The following WDR87 variants were observed in gnomAD, a reference collection of about 807,000 sequenced individuals.
WDR87 encodes WD repeat-containing protein 87.
Under a neutral mutation model 83.3 loss-of-function variants are expected in WDR87, and 56 were observed. The observed-to-expected ratio is 0.67, with a 90% confidence interval of 0.54 to 0.84. WDR87 has a LOEUF of 0.84. Ranked by LOEUF, WDR87 falls within the 40% of genes least tolerant of loss-of-function variation. WDR87 has a pLI of 0.00. For synonymous variants in WDR87, 1,173 were observed against 1,250.6 expected, an observed-to-expected ratio of 0.94 and a Z score of 1.31; for missense variants, 2,939 against 3,431.9, an observed-to-expected ratio of 0.86 and a Z score of 3.59.
chr19:37,888,305 G>C lies in WDR87; in HGVS notation c.5366C>G (p.Ala1789Gly). ...CCAGGCCAATGCCTCCTCTTCCTCA[G>C]CCAGTTTCTTCTTTTCCTCAACCAG... ...GKLVEEKKKL[A>G]EEEEALAWQR... The change falls in exon 6 of 6, where the codon GCT becomes GGT. Residue 1789 changes from alanine (A) to glycine (G), a missense_variant. Physicochemically the swap from Ala to Gly is moderately conservative, Grantham distance 60. Transcript: ENST00000447313. 6.4e-7 allele frequency: 1 copy of C among 1,551,476 alleles called. No homozygotes were observed. Among genetic ancestry groups the C allele is most frequent in the Middle Eastern group, 1.7e-4 (1 of 5,990 alleles).
intron 3 of WDR87, among the ~76,000 whole-genome samples, chr19:37,895,680 T>G (rs1199705888): frequency 1.4e-5 from 2 of 145,178 alleles, no homozygotes; most frequent in Non-Finnish European, 3.0e-5. Flanking sequence ...GGCAGGAGAA[T>G]CGCTTGAATT....
Position 37,893,460 on chromosome 19 carries a change from T to C in WDR87, c.2243A>G (p.His748Arg). ...CCCTTCCTCATCTTCTTCTATCACA[T>C]GTGGCACAGAATGGTCAAAGGCAAT... ...RAIAFDHSVP[H>R]VIEEDEEGSP... The change falls in exon 4 of 6, where the codon CAT becomes CGT. Residue 748 changes from histidine (H) to arginine (R), a missense_variant. Transcript: ENST00000447313. The C allele has an allele frequency of 6.4e-7, 1 of 1,552,044 alleles. No homozygotes were observed. Among genetic ancestry groups the C allele is most frequent in the South Asian group, 1.2e-5 (1 of 84,064 alleles).
intron 2 of WDR87, among the ~76,000 whole-genome samples, chr19:37,897,832 G>A (rs903288901): frequency 1.3e-5 from 2 of 152,116 alleles, no homozygotes; most frequent in Admixed American, 1.3e-4. Flanking sequence ...AGGTTGCAGT[G>A]GGCCGAGATC....
At chr19:37,898,819 GCT>G (rs150637956) in intron 1 of WDR87, among the ~76,000 whole-genome samples, 39,276 of 152,024 alleles carry the variant, frequency 0.26, 6,065 homozygotes, top group Non-Finnish European at 0.36. Context: ...CTTTTCAGCT[GCT>G]CTGGAAACAT....
rs572202544 is a variant in WDR87, at chr19:37,900,214, G to A, written c.-46-1929C>T. 3.3e-5 allele frequency among the ~76,000 whole-genome samples: 5 copies of A among 152,204 alleles called. No homozygotes were observed. The South Asian group carries it at 1.0e-3, about 32-fold the overall frequency. On this transcript the variant is annotated intron_variant, in intron 1 of 5. Coordinates refer to ENST00000447313, the MANE Select transcript of WDR87 (RefSeq NM_001291088.2). Reference sequence around the variant, plus strand: ...TCATCATCTCCATTGTACAAAAGAGGAACATTAACTCAAAGAGGAAAAGGG... The same window carrying A: ...TCATCATCTCCATTGTACAAAAGAGAAACATTAACTCAAAGAGGAAAAGGG...
Position 37,893,231 on chromosome 19 carries a change from G to C in WDR87, c.2472C>G (p.Ile824Met). Residue 824 changes from isoleucine (I) to methionine (M), a missense_variant, in exon 4 of 6, where the codon ATC (isoleucine) becomes ATG (methionine). By Grantham distance (10) the Ile-to-Met change is conservative. Transcript: ENST00000447313. ...GACGGGCACGAATCACTGAATTGGG[G>C]ATATAGCAGTCAGGGGCAAAAAGCC... ...REWLFAPDCY[I>M]PNSVIRARLW... The C allele has an allele frequency of 6.4e-7, 1 of 1,551,894 alleles. No homozygotes were observed. Among genetic ancestry groups the C allele is most frequent in the Non-Finnish European group, 8.7e-7 (1 of 1,147,050 alleles).
rs1160321708 is a variant in WDR87 at position 37,886,946 on chromosome 19, G to T, written c.6725C>A (p.Ala2242Asp). 40 of 1,551,630 alleles carry T rather than the reference G, an allele frequency of 2.6e-5. No homozygotes were observed. Among genetic ancestry groups the T allele is most frequent in the Non-Finnish European group, 3.5e-5 (40 of 1,147,074 alleles). ...LKRRWRKRKE[A>D]KRGDKPKEKF... is the part of the protein sequence containing the mutation. ...TTCTTTTGGTTTGTCACCTCTCTTG[G>T]CCTCTTTCCTCTTTCTCCACCTTCG... The change falls in exon 6 of 6, where the codon GCC becomes GAC. Residue 2242 changes from alanine to aspartate, a missense_variant. This residue lies in a region of WDR87 where 2,160 missense variants were observed against 2,533.1 expected (regional missense o/e 0.85). Coordinates refer to ENST00000447313, the MANE Select transcript of WDR87 (RefSeq NM_001291088.2).
Position 37,885,530 on chromosome 19 carries a change from G to C in WDR87, c.8141C>G (p.Pro2714Arg). 6.4e-7 allele frequency: 1 copy of C among 1,551,670 alleles called. No individual in the cohort carries two copies. The highest frequency in any genetic ancestry group is 8.7e-7 in the Non-Finnish European group (1 of 1,146,996). The part of the protein sequence containing the change: ...YFYPATRDIF[P>R]SAHASVEKQT... ...TTTTTCCACAGAGGCATGGGCACTTGGAAAAATGTCTCTGGTGGCAGGATA... is the reference window on the plus strand; with the variant it reads ...TTTTTCCACAGAGGCATGGGCACTTCGAAAAATGTCTCTGGTGGCAGGATA... The change falls in exon 6 of 6, where the codon CCA becomes CGA. Residue 2714 changes from proline to arginine, a missense_variant. Transcript: ENST00000447313.
chr19:37,885,745 A>G lies in WDR87; in HGVS notation c.7926T>C (p.Pro2642=). 1 of 1,551,708 alleles carries G rather than the reference A, an allele frequency of 6.4e-7. No homozygotes were observed. Among genetic ancestry groups the G allele is most frequent in the Non-Finnish European group, 8.7e-7 (1 of 1,147,000 alleles). ...TCTCCTTTTCCTTTGCTTTTATAGG[A>G]GGAATCACTTTCAGGTATTTTGGAC... ...SMSPKYLKVI[P]PIKAKEKESW... is the part of the protein sequence containing the mutation. Residue 2642 remains proline, a synonymous_variant, in exon 6 of 6, where the codon CCT becomes CCC. Transcript: ENST00000447313.
Position 37,891,701 on chromosome 19 carries a change from C to G in WDR87, c.3245G>C (p.Arg1082Thr), listed in dbSNP as rs1186245889. ...RLNENLTLSHRDEKPAFSLDV... is the reference protein window; with the variant it reads ...RLNENLTLSHTDEKPAFSLDV... ...TAAAGAAAAAGCCGGCTTTTCATCT[C>G]TATGTGACAGGGTCAGGTTTTCATT... The change falls in exon 5 of 6, where the codon AGA (arginine) becomes ACA (threonine). Residue 1082 changes from arginine (R) to threonine (T), a missense_variant. By Grantham distance (71) the Arg-to-Thr change is moderately conservative (BLOSUM62 -1). This residue lies in a region of WDR87 where 2,160 missense variants were observed against 2,533.1 expected (regional missense o/e 0.85). Coordinates refer to ENST00000447313, the MANE Select transcript of WDR87 (RefSeq NM_001291088.2). The G allele has an allele frequency of 3.2e-6, 5 of 1,551,806 alleles. No individual in the cohort carries two copies. Among genetic ancestry groups the G allele is most frequent in the Middle Eastern group, 3.3e-4 (2 of 6,016 alleles).
In WDR87 at chr19:37,887,498, TG is replaced by T. The variant is rs1298905557; in HGVS notation, c.6172del (p.His2058MetfsTer34). ...KLSLEEKILLHEDRILAMEES... is the reference protein window; with the variant it reads ...KLSLEEKILLXEDRILAMEES... ...CTCCATGGCCAATATCCTGTCTTCA[TG>T]TAGCAGTATCTTCTCCTCTAGTGAC... On this transcript the variant is annotated frameshift_variant, in exon 6 of 6. Coordinates refer to ENST00000447313, the MANE Select transcript of WDR87 (RefSeq NM_001291088.2). LOFTEE classifies it low-confidence loss of function (END_TRUNC). 7.7e-6 allele frequency: 12 copies of T among 1,551,950 alleles called. No homozygotes were observed. In the East Asian group the frequency reaches 2.7e-4, roughly 35 times the overall value.
rs567089371 is a variant in WDR87, at chr19:37,892,651, C to T, written c.3052G>A (p.Ala1018Thr). The change falls in exon 4 of 6, where the codon GCT (alanine) becomes ACT (threonine). Residue 1018 changes from alanine (A) to threonine (T), a missense_variant. Around this residue, in one of 3 missense-constraint regions of WDR87, gnomAD observed 2,160 missense variants for 2,533.1 expected, o/e 0.85. Transcript: ENST00000447313. Reference protein sequence around the residue: ...RVRIKTLSLMAEIGIHSRTSL... With the variant: ...RVRIKTLSLMTEIGIHSRTSL... ...GTCCTAGAGTGGATTCCAATCTCAG[C>T]CATGAGGCTTAGGGTCTTGATCCTC... 2.6e-6 allele frequency: 4 copies of T among 1,550,222 alleles called. No homozygotes were observed. In the East Asian group the frequency reaches 9.8e-5, roughly 38 times the overall value.
chr19:37,894,842 G>C lies in WDR87; in HGVS notation c.861C>G (p.Ile287Met). 1.9e-6 allele frequency: 3 copies of C among 1,551,744 alleles called. No homozygotes were observed. The highest frequency in any genetic ancestry group is 2.6e-6 in the Non-Finnish European group (3 of 1,147,008). ...GGGCCTCTGGTCGGCTGCGGATACA[G>C]ATCACTCCTGATTGATGGGCCTGGA... ...HSFQAHQSGV[I>M]CIRSRPEAHT... Residue 287 changes from isoleucine (I) to methionine (M), a missense_variant, in exon 4 of 6, where the codon ATC (isoleucine) becomes ATG (methionine). By Grantham distance (10) the Ile-to-Met change is conservative. Transcript: ENST00000447313.
intron 1 of WDR87, among the ~76,000 whole-genome samples, chr19:37,903,363 A>T (rs1229181857): frequency 6.6e-6 from 1 of 152,180 alleles, no homozygotes; most frequent in Non-Finnish European, 1.5e-5. Context: ...GGTGGAATGC[A>T]TTTAACTTTC....
chr19:37,900,107 C>G (rs2046284236), intron 1 of WDR87, among the ~76,000 whole-genome samples: 1 of 152,170 alleles, frequency 6.6e-6, no homozygotes, highest in African/African-American at 2.4e-5. Flanking sequence ...ATCTCACATG[C>G]ATACAGTGGG....
chr19:37,902,627 T>C (rs751240373), intron 1 of WDR87, among the ~76,000 whole-genome samples: 7 of 152,258 alleles, frequency 4.6e-5, no homozygotes, highest in Non-Finnish European at 8.8e-5. Flanking sequence ...CTGCTGACTG[T>C]GGAGACAAAC....
In WDR87 at chr19:37,885,201, C is replaced by T. The variant is rs1244920725; in HGVS notation, c.8470G>A (p.Glu2824Lys). The change falls in exon 6 of 6, where the codon GAG becomes AAG. Residue 2824 changes from glutamate to lysine, a missense_variant. Transcript: ENST00000447313. ...TTTAGGGCCTCTTCGTAGATGATCT[C>T]TTGGGGTTGAGGTTCCTCTCTCATT... ...LLMREEPQPQ[E>K]IIYEEALKAT... The T allele has an allele frequency of 6.7e-7, 1 of 1,482,072 alleles. No individual in the cohort carries two copies. Among genetic ancestry groups the T allele is most frequent in the Non-Finnish European group, 8.9e-7 (1 of 1,118,524 alleles). The allele number at this position is 1,482,072 out of a possible 1,614,324, so 91.8% of individuals were successfully genotyped here. A position where few individuals can be genotyped will look rare whatever the true frequency, so the allele number is the denominator to read the frequency against.
chr19:37,887,359 GCT>G lies in WDR87; in HGVS notation c.6310_6311del (p.Ser2104ProfsTer22). The G allele has an allele frequency of 6.4e-7, 1 of 1,551,576 alleles. No homozygotes were observed. The highest frequency in any genetic ancestry group is 2.4e-5 in the East Asian group (1 of 40,908). On this transcript the variant is annotated frameshift_variant, in exon 6 of 6. Transcript: ENST00000447313. LOFTEE classifies it low-confidence loss of function (END_TRUNC). Reference sequence around the variant, plus strand: ...TCAGTTTTGCTGGTTCCTTGGAAAGGCTCTCCCTTTTTTTAATCAACTTCCTT... The same window carrying G: ...TCAGTTTTGCTGGTTCCTTGGAAAGGCTCCCTTTTTTTAATCAACTTCCTT... ...ASRKLIKKRE[S>X]LSKEPAKLNK...
In WDR87 at chr19:37,893,295, T is replaced by C; in HGVS notation, c.2408A>G (p.Tyr803Cys). Residue 803 changes from tyrosine (Y) to cysteine (C), a missense_variant, in exon 4 of 6, where the codon TAT becomes TGT. Transcript: ENST00000447313. ...ACCAAAGTAGTATCGCAATATCTGA[T>C]AGGGGTTGAGTCCATCCCAGCTAGT... ...QLTSWDGLNP[Y>C]QILRYYFGHG... The C allele has an allele frequency of 1.3e-6, 2 of 1,551,448 alleles. No individual in the cohort carries two copies. The highest frequency in any genetic ancestry group is 1.4e-5 in the African/African-American group (1 of 73,052).
Sources: allele counts gnomAD v4.1 joint callset (sites outside exome capture counted in the v4.1 genomes callset), GRCh38; gene constraint gnomAD v4.1.1; regional missense constraint gnomAD v4.1.1; transcripts MANE v1.5; gene names NCBI Gene and HGNC (gene_info 2026-07-23, HGNC 2026-07-21).